COMMD10: variants seen among roughly 807,000 people sequenced by gnomAD.
The protein encoded by COMMD10 is COMM domain-containing protein 10.
COMMD10 carries 33 observed loss-of-function variants against 28.9 expected under a neutral mutation model. That is an observed-to-expected ratio of 1.14 (90% CI 0.87 to 1.53). The LOEUF (loss-of-function observed/expected upper bound fraction) is 1.53, where lower values mean the gene tolerates loss of function less well. COMMD10 is among the 40% of genes most tolerant of loss of function. The probability of loss-of-function intolerance (pLI) is 0.00; values close to 1 mark genes in which losing one functional copy is unlikely to be tolerated. For missense variants in COMMD10, 310 were observed against 233.4 expected, an observed-to-expected ratio of 1.33 and a Z score of -2.14; for synonymous variants, 110 against 81.7, an observed-to-expected ratio of 1.35 and a Z score of -1.87.
At chr5:116,123,594 A>G (rs1751517138) in intron 4 of COMMD10, among the ~76,000 whole-genome samples, 1 of 152,182 alleles carries the variant, frequency 6.6e-6, no homozygotes. Flanking sequence ...AAAATGAGTT[A>G]GGGAGGATTC....
chr5:116,237,775 T>C (rs1003788164), intron 5 of COMMD10, among the ~76,000 whole-genome samples: 1 of 152,206 alleles, frequency 6.6e-6, no homozygotes, highest in Admixed American at 6.5e-5. Context: ...ATGCAATAAA[T>C]GCATTTTGTA....
chr5:116,286,070 T>C (rs1330240584), intron 5 of COMMD10, among the ~76,000 whole-genome samples: 1 of 151,924 alleles, frequency 6.6e-6, no homozygotes, highest in African/African-American at 2.4e-5. Flanking sequence ...ATTTTCTATT[T>C]ATTCATGATT....
intron 5 of COMMD10, among the ~76,000 whole-genome samples, chr5:116,206,853 C>G (rs967392221): frequency 1.3e-5 from 2 of 152,104 alleles, no homozygotes; most frequent in East Asian, 1.9e-4. Context: ...GATATTCAAT[C>G]TAATTTCCTT....
chr5:116,232,999 C>T (rs1012966560), intron 5 of COMMD10, among the ~76,000 whole-genome samples: 2 of 152,066 alleles, frequency 1.3e-5, no homozygotes, highest in Admixed American at 1.3e-4. Context: ...AAATGGTGTG[C>T]CTGAATAAAA....
chr5:116,094,073 A>G (rs1172574942), intron 4 of COMMD10, among the ~76,000 whole-genome samples: 1 of 152,184 alleles, frequency 6.6e-6, no homozygotes, highest in Non-Finnish European at 1.5e-5. Flanking sequence ...AAAATACTAG[A>G]AGAAAACAGG....
intron 5 of COMMD10, among the ~76,000 whole-genome samples, chr5:116,152,461 A>G (rs529918439): frequency 3.9e-5 from 6 of 152,190 alleles, no homozygotes; most frequent in Admixed American, 6.6e-5. Context: ...TCTGGCTACT[A>G]TATCATCATC....
At chr5:116,273,888 GAA>G (rs1750826552) in intron 5 of COMMD10, among the ~76,000 whole-genome samples, 1 of 151,646 alleles carries the variant, frequency 6.6e-6, no homozygotes, top group East Asian at 1.9e-4. Flanking sequence ...ACAGAAAAGA[GAA>G]AATTTGAGGG....
intron 4 of COMMD10, among the ~76,000 whole-genome samples, chr5:116,113,106 T>A (rs762397160): frequency 6.6e-6 from 1 of 152,208 alleles, no homozygotes; most frequent in African/African-American, 2.4e-5. Context: ...AATTCTTGGC[T>A]GACAGTTGTT....
chr5:116,291,420 G>A (rs2112718602), intron 5 of COMMD10, 97 bp from the exon 6 acceptor site: 2 of 832,994 alleles, frequency 2.4e-6, no homozygotes, highest in East Asian at 2.6e-5. Flanking sequence ...CCACTCAGAG[G>A]ACAATCTTAT....
chr5:116,228,917 G>A (rs1580565486), intron 5 of COMMD10, among the ~76,000 whole-genome samples: 1 of 151,862 alleles, frequency 6.6e-6, no homozygotes, highest in African/African-American at 2.4e-5. Flanking sequence ...CTTAGTGTGG[G>A]AATCATATTT....
chr5:116,128,690 A>G (rs554875192), intron 4 of COMMD10, among the ~76,000 whole-genome samples: 2 of 152,100 alleles, frequency 1.3e-5, no homozygotes, highest in East Asian at 1.9e-4. Flanking sequence ...AGCAATGCCT[A>G]CTATAGGTCT....
intron 5 of COMMD10, among the ~76,000 whole-genome samples, chr5:116,230,616 C>G (rs376444784): frequency 6.6e-6 from 1 of 151,840 alleles, no homozygotes; most frequent in African/African-American, 2.4e-5. Context: ...TAGTAGTGTC[C>G]TATGGGAATC....
intron 2 of COMMD10, among the ~76,000 whole-genome samples, chr5:116,088,981 T>C (rs1380381190): frequency 3.3e-5 from 5 of 152,248 alleles, no homozygotes; most frequent in African/African-American, 1.2e-4. Flanking sequence ...GTAAATGTTC[T>C]TGAAGTTAAT....
chr5:116,132,553 T>G (rs1751893973), intron 4 of COMMD10, among the ~76,000 whole-genome samples: 1 of 152,162 alleles, frequency 6.6e-6, no homozygotes, highest in South Asian at 2.1e-4. Flanking sequence ...CTTCATTAGT[T>G]ATGTTAAGTG....
intron 5 of COMMD10, among the ~76,000 whole-genome samples, chr5:116,287,310 C>G (rs189396857): frequency 1.3e-5 from 2 of 151,482 alleles, no homozygotes; most frequent in Non-Finnish European, 1.5e-5. Flanking sequence ...TAAATTGACC[C>G]TTTTGTCATT....
At chr5:116,270,776 A>C (rs999165686) in intron 5 of COMMD10, among the ~76,000 whole-genome samples, 1 of 151,654 alleles carries the variant, frequency 6.6e-6, no homozygotes. Context: ...ATCTCTACTG[A>C]ATACAGAAGA....
At chr5:116,213,438 A>G (rs1334700183) in intron 5 of COMMD10, among the ~76,000 whole-genome samples, 1 of 152,178 alleles carries the variant, frequency 6.6e-6, no homozygotes, top group Non-Finnish European at 1.5e-5. Context: ...ATCACTGAAT[A>G]TTAAGGATCT....
chr5:116,165,642 G>A (rs181208479), intron 5 of COMMD10, among the ~76,000 whole-genome samples: 40 of 152,142 alleles, frequency 2.6e-4, no homozygotes, highest in African/African-American at 6.0e-4. Flanking sequence ...GCACACACAC[G>A]CGTGTGCACA....
chr5:116,291,583 A>AG lies in COMMD10; in HGVS notation c.570+7_570+8insG. 1 of 1,494,760 alleles carries AG rather than the reference A, an allele frequency of 6.7e-7. No homozygotes were observed. Among genetic ancestry groups the AG allele is most frequent in the Non-Finnish European group, 9.2e-7 (1 of 1,092,108 alleles). The allele number at this position is 1,494,760 out of a possible 1,614,324, so 92.6% of individuals were successfully genotyped here. On this transcript the variant is annotated splice_region_variant and intron_variant, in intron 6 of 6. Coordinates refer to ENST00000274458, the MANE Select transcript of COMMD10 (RefSeq NM_016144.4). ...GTTTGATTTCTATAACAAGGTCTGT[A>AG]TTTTTAAAATAATTTTCTAATATGT...
Sources: allele counts gnomAD v4.1 joint callset (sites outside exome capture counted in the v4.1 genomes callset), GRCh38; gene constraint gnomAD v4.1.1; transcripts MANE v1.5; gene names NCBI Gene and HGNC (gene_info 2026-07-23, HGNC 2026-07-21).